Variants in PTPRD observed in about 807,000 individuals in gnomAD.
PTPRD encodes the protein receptor-type tyrosine-protein phosphatase delta.
A neutral mutation model predicts 214.5 loss-of-function variants in PTPRD; 34 were observed. The ratio of observed to expected loss-of-function variants is 0.16; its 90% CI spans 0.12 to 0.21. The LOEUF (loss-of-function observed/expected upper bound fraction) is 0.21. Among genes scored for constraint, PTPRD ranks in the 10% least tolerant of loss-of-function variants. The probability of loss-of-function intolerance (pLI) is 1.00; values close to 1 mark genes in which losing one functional copy is unlikely to be tolerated. For missense variants in PTPRD, 2,545 were observed against 2,398.7 expected, an observed-to-expected ratio of 1.06 and a Z score of -1.27; for synonymous variants, 1,128 against 845.7, an observed-to-expected ratio of 1.33 and a Z score of -5.79.
chr9:8,344,565 T>C (rs930764759), intron 39 of PTPRD, among the ~76,000 whole-genome samples: 1 of 151,968 alleles, frequency 6.6e-6, no homozygotes, highest in African/African-American at 2.4e-5. Flanking sequence ...ACCTATTTTT[T>C]CCCCCACAAT....
intron 11 of PTPRD, chr9:8,862,270 T>A (rs2098120611): frequency 6.6e-6 from 1 of 152,172 alleles, no homozygotes; most frequent in Non-Finnish European, 1.5e-5. Context: ...ACAGGAGAAT[T>A]GCTTGAACCC....
intron 12 of PTPRD, chr9:8,713,265 T>C (rs755546471): frequency 1.5e-6 from 1 of 656,702 alleles, no homozygotes; most frequent in Non-Finnish European, 2.7e-6. Context: ...TTAAAATCTT[T>C]ATCCACTGAG....
At chr9:9,464,901 G>A (rs1453571235) in intron 8 of PTPRD, among the ~76,000 whole-genome samples, 2 of 152,122 alleles carry the variant, frequency 1.3e-5, no homozygotes, top group Non-Finnish European at 2.9e-5. Flanking sequence ...AATTAAGCAT[G>A]TCCAATGCAG....
intron 11 of PTPRD, among the ~76,000 whole-genome samples, chr9:8,913,064 G>A (rs1309564509): frequency 6.6e-6 from 1 of 152,006 alleles, no homozygotes; most frequent in Non-Finnish European, 1.5e-5. Context: ...ATTTTGAGAA[G>A]TTCAATAATA....
chr9:9,981,430 G>T (rs549722126), intron 4 of PTPRD, among the ~76,000 whole-genome samples: 1 of 150,478 alleles, frequency 6.6e-6, no homozygotes, highest in African/African-American at 2.5e-5. Context: ...TCTCGGCTCA[G>T]TGCAAGCTCC....
intron 44 of PTPRD, among the ~76,000 whole-genome samples, chr9:8,321,679 G>C (rs12002436): frequency 7.3e-5 from 11 of 151,450 alleles, no homozygotes; most frequent in African/African-American, 1.7e-4. Flanking sequence ...TTAAATTAAA[G>C]ATACTCTTTT....
chr9:10,372,298 G>A (rs934112774), intron 2 of PTPRD, among the ~76,000 whole-genome samples: 1 of 151,844 alleles, frequency 6.6e-6, no homozygotes, highest in African/African-American at 2.4e-5. Context: ...CCTCTGTTTT[G>A]TTGTTTGCAT....
chr9:9,040,444 A>C (rs947601945), intron 10 of PTPRD, among the ~76,000 whole-genome samples: 5 of 152,150 alleles, frequency 3.3e-5, no homozygotes, highest in Admixed American at 2.6e-4. Flanking sequence ...AAAGGTGTAG[A>C]ATTTTAAAAC....
chr9:9,922,918 G>C (rs1259048209), intron 5 of PTPRD, among the ~76,000 whole-genome samples: 3 of 151,336 alleles, frequency 2.0e-5, no homozygotes, highest in African/African-American at 7.3e-5. Context: ...ATGCTATAAA[G>C]AATTGGCTCA....
At chr9:8,687,835 T>C (rs145202796) in intron 12 of PTPRD, among the ~76,000 whole-genome samples, 62 of 152,188 alleles carry the variant, frequency 4.1e-4, no homozygotes, top group African/African-American at 1.3e-3. Context: ...CGTACATCAG[T>C]GTCTACATTT....
At chr9:8,358,825 A>G (rs918281037) in intron 39 of PTPRD, among the ~76,000 whole-genome samples, 3 of 152,066 alleles carry the variant, frequency 2.0e-5, no homozygotes, top group African/African-American at 7.2e-5. Context: ...AAAAAAATGT[A>G]ATATAAAATT....
chr9:9,608,066 GGT>G (rs1014720747), intron 7 of PTPRD, among the ~76,000 whole-genome samples: 1 of 152,120 alleles, frequency 6.6e-6, no homozygotes, highest in Non-Finnish European at 1.5e-5. Flanking sequence ...AACTCAAAGA[GGT>G]TAAGATCACT....
chr9:9,180,482 G>A (rs1485132147), intron 10 of PTPRD, among the ~76,000 whole-genome samples: 1 of 149,874 alleles, frequency 6.7e-6, no homozygotes, highest in East Asian at 2.0e-4. Flanking sequence ...AGCATTAGGA[G>A]ATATACCTAA....
chr9:10,510,531 T>A (rs1395090935), intron 2 of PTPRD, among the ~76,000 whole-genome samples: 1 of 152,164 alleles, frequency 6.6e-6, no homozygotes, highest in Admixed American at 6.6e-5. Context: ...TTTCGGCATA[T>A]CGCTTTTTTG....
At chr9:9,093,777 A>C (rs944955311) in intron 10 of PTPRD, among the ~76,000 whole-genome samples, 1 of 151,854 alleles carries the variant, frequency 6.6e-6, no homozygotes, top group Non-Finnish European at 1.5e-5. Flanking sequence ...CCTTCTATTT[A>C]AGAAACTAGA....
chr9:9,970,711 T>G (rs941426100), intron 4 of PTPRD, among the ~76,000 whole-genome samples: 5 of 152,136 alleles, frequency 3.3e-5, no homozygotes, highest in South Asian at 2.1e-4. Flanking sequence ...GTTGACCGAA[T>G]AGAGTCCTGG....
intron 14 of PTPRD, among the ~76,000 whole-genome samples, chr9:8,605,365 G>A (rs1390901100): frequency 6.6e-6 from 1 of 152,082 alleles, no homozygotes; most frequent in East Asian, 1.9e-4. Context: ...TGCTCTTTGA[G>A]CTCATTCAAC....
rs557057231 is a variant in PTPRD, at chr9:8,569,497, AG to A, written c.353-40719del. Among the ~76,000 whole-genome samples the A allele has an allele frequency of 2.6e-4, 40 of 152,246 alleles. No individual in the cohort carries two copies. In the East Asian group the frequency reaches 7.1e-3, roughly 27 times the overall value. On this transcript the variant is annotated intron_variant, in intron 14 of 45. Transcript: ENST00000381196. ...GAGGAACATCTTCCATAAAAACTGG[AG>A]AAAAAATTGGGCCTTCCAATTATCA...
intron 5 of PTPRD, among the ~76,000 whole-genome samples, chr9:9,886,065 T>C (rs756515581): frequency 8.6e-5 from 13 of 151,678 alleles, no homozygotes; most frequent in Non-Finnish European, 1.2e-4. Flanking sequence ...CCTGAACTGC[T>C]ATGGATAGAA....
Sources: gnomAD v4.1 joint callset for allele counts (sites outside exome capture counted in the v4.1 genomes callset) on GRCh38, gnomAD v4.1.1 for gene constraint, MANE v1.5 for transcripts, NCBI Gene and HGNC (gene_info 2026-07-23, HGNC 2026-07-21) for gene names.